The following CSMD1 variants were observed in gnomAD, a reference collection of about 807,000 sequenced individuals.
The protein encoded by CSMD1 is CUB and Sushi multiple domains 1.
In CSMD1, 213 loss-of-function variants were observed where a neutral mutation model predicts 417.5. The ratio of observed to expected loss-of-function variants is 0.51; its 90% CI spans 0.46 to 0.57. CSMD1 has a LOEUF of 0.57. Ranked by LOEUF, CSMD1 falls within the 20% of genes least tolerant of loss-of-function variation. The pLI is 0.00. For missense variants in CSMD1, 6,923 were observed against 4,529.7 expected (o/e 1.53, Z -15.17); for synonymous variants, 2,862 against 1,736.8 (o/e 1.65, Z -16.11).
chr8:3,786,999 G>A (rs746537403), intron 5 of CSMD1, among the ~76,000 whole-genome samples: 3 of 152,174 alleles, frequency 2.0e-5, no homozygotes, highest in South Asian at 2.1e-4. Flanking sequence ...CATGGAAGCT[G>A]AGGGTCAGGA....
chr8:4,241,512 C>T (rs557556864), intron 3 of CSMD1, among the ~76,000 whole-genome samples: 12 of 152,284 alleles, frequency 7.9e-5, no homozygotes, highest in Non-Finnish European at 1.3e-4. Flanking sequence ...TCTGTGCCCC[C>T]AGGAGGGCAG....
At chr8:3,955,435 C>G (rs1022850673) in intron 5 of CSMD1, among the ~76,000 whole-genome samples, 1 of 152,064 alleles carries the variant, frequency 6.6e-6, no homozygotes, top group East Asian at 1.9e-4. Flanking sequence ...AACAAATAAA[C>G]CAGAATGAAA....
At chr8:4,336,820 T>A (rs1800201828) in intron 3 of CSMD1, among the ~76,000 whole-genome samples, 1 of 152,032 alleles carries the variant, frequency 6.6e-6, no homozygotes, top group Non-Finnish European at 1.5e-5. Context: ...TCTCAGTAAC[T>A]AGAGATGGAA....
chr8:4,041,312 T>C (rs547645692), intron 3 of CSMD1, among the ~76,000 whole-genome samples: 14 of 152,270 alleles, frequency 9.2e-5, no homozygotes, highest in Admixed American at 1.3e-4. Flanking sequence ...CCACCGCGCC[T>C]GGCCGGGCCT....
At chr8:4,580,872 T>A (rs1387931561) in intron 2 of CSMD1, among the ~76,000 whole-genome samples, 1 of 152,194 alleles carries the variant, frequency 6.6e-6, no homozygotes, top group Admixed American at 6.5e-5. Flanking sequence ...GGAATGCAAA[T>A]AATTTATTGC....
At chr8:3,486,821 G>T (rs534776027) in intron 11 of CSMD1, among the ~76,000 whole-genome samples, 1 of 152,196 alleles carries the variant, frequency 6.6e-6, no homozygotes, top group Non-Finnish European at 1.5e-5. Context: ...AATCCAAAAT[G>T]CTGAAGCCCA....
intron 5 of CSMD1, among the ~76,000 whole-genome samples, chr8:3,835,485 A>G (rs78711456): frequency 0.37 from 56,586 of 151,346 alleles, 11,283 homozygotes; most frequent in African/African-American, 0.51. Flanking sequence ...ACCAAACACC[A>G]CATGTTCTCA....
At chr8:4,731,321 G>C (rs1809851383) in intron 1 of CSMD1, among the ~76,000 whole-genome samples, 2 of 152,204 alleles carry the variant, frequency 1.3e-5, no homozygotes, top group African/African-American at 4.8e-5. Flanking sequence ...AGCAGTTTTT[G>C]CTCCCACCTC....
At chr8:4,549,195 T>C (rs1247965610) in intron 2 of CSMD1, among the ~76,000 whole-genome samples, 1 of 152,206 alleles carries the variant, frequency 6.6e-6, no homozygotes, top group Non-Finnish European at 1.5e-5. Context: ...ACTTGATTTC[T>C]GGAAATCACT....
chr8:4,082,562 C>T (rs943267879), intron 3 of CSMD1, among the ~76,000 whole-genome samples: 2 of 151,792 alleles, frequency 1.3e-5, no homozygotes, highest in Non-Finnish European at 2.9e-5. Context: ...AATTACAGAC[C>T]CCGCTTCATT....
At chr8:4,754,257 G>T (rs1336121696) in intron 1 of CSMD1, among the ~76,000 whole-genome samples, 1 of 152,124 alleles carries the variant, frequency 6.6e-6, no homozygotes, top group Non-Finnish European at 1.5e-5. Context: ...AAGAAAATAA[G>T]ATTGACTAAG....
chr8:4,177,331 CT>C (rs755688927), intron 3 of CSMD1, among the ~76,000 whole-genome samples: 2 of 152,026 alleles, frequency 1.3e-5, no homozygotes, highest in Non-Finnish European at 2.9e-5. Context: ...TGAATGAATA[CT>C]GGGTACATAA....
At chr8:4,248,414 G>A (rs935158440) in intron 3 of CSMD1, among the ~76,000 whole-genome samples, 1 of 152,164 alleles carries the variant, frequency 6.6e-6, no homozygotes, top group African/African-American at 2.4e-5. Context: ...GCTTATAAAA[G>A]AAGAGAGCCC....
Position 4,077,739 on chromosome 8 carries a change from T to C in CSMD1, c.416-45640A>G, listed in dbSNP as rs74697312. ...CCATTCTCAAATTTGCTCTTTATTC[T>C]CTTGTCCCAATGCTATTGCCCTATG... On this transcript the variant is annotated intron_variant, in intron 3 of 69. Coordinates refer to ENST00000635120, the MANE Select transcript of CSMD1 (RefSeq NM_033225.6). 3.3e-5 allele frequency among the ~76,000 whole-genome samples: 5 copies of C among 152,310 alleles called. No homozygotes were observed. The East Asian group carries it at 5.8e-4, about 18-fold the overall frequency.
chr8:4,324,391 G>C (rs1447927204), intron 3 of CSMD1, among the ~76,000 whole-genome samples: 2 of 152,194 alleles, frequency 1.3e-5, no homozygotes, highest in African/African-American at 4.8e-5. Context: ...TGGGGCAGGA[G>C]CAAGGAGGGG....
intron 6 of CSMD1, among the ~76,000 whole-genome samples, chr8:3,722,357 G>A (rs564499215): frequency 1.3e-5 from 2 of 152,108 alleles, no homozygotes; most frequent in Admixed American, 1.3e-4. Flanking sequence ...TAAAATCTAA[G>A]ACGAAGTTGA....
At chr8:3,826,722 G>T (rs1458603356) in intron 5 of CSMD1, among the ~76,000 whole-genome samples, 1 of 152,114 alleles carries the variant, frequency 6.6e-6, no homozygotes, top group African/African-American at 2.4e-5. Context: ...TTCAAAGAAA[G>T]AGTTTGTACT....
At chr8:3,249,468 C>T (rs562615529) in intron 26 of CSMD1, among the ~76,000 whole-genome samples, 70 of 152,274 alleles carry the variant, frequency 4.6e-4, no homozygotes, top group Admixed American at 6.5e-4. Flanking sequence ...GGGTGATCCG[C>T]CCACCTTGGC....
intron 5 of CSMD1, among the ~76,000 whole-genome samples, chr8:3,913,108 G>C (rs1380598666): frequency 6.6e-6 from 1 of 152,308 alleles, no homozygotes; most frequent in South Asian, 2.1e-4. Flanking sequence ...CTGTGTTGCA[G>C]TGGTCATGTG....
Sources: gnomAD v4.1 joint callset for allele counts (sites outside exome capture counted in the v4.1 genomes callset) on GRCh38, gnomAD v4.1.1 for gene constraint, MANE v1.5 for transcripts, NCBI Gene and HGNC (gene_info 2026-07-23, HGNC 2026-07-21) for gene names.